Variants in MAML2 observed in about 807,000 individuals in gnomAD.
MAML2 encodes mastermind like transcriptional coactivator 2.
In MAML2, 22 loss-of-function variants were observed where a neutral mutation model predicts 96.1. The observed-to-expected ratio is 0.23, with a 90% CI of 0.16 to 0.33. The LOEUF is 0.33. Ranked by LOEUF, MAML2 falls within the 10% of genes least tolerant of loss-of-function variation. The pLI, the probability that MAML2 is intolerant of heterozygous loss-of-function variation, is 1.00. For missense variants in MAML2, 1,367 were observed against 1,392.4 expected, an observed-to-expected ratio of 0.98 and a Z score of 0.29; for synonymous variants, 561 against 521.3, an observed-to-expected ratio of 1.08 and a Z score of -1.04.
rs35327027 is a variant in MAML2 at position 96,184,591 on chromosome 11, C to CTTT, written c.514-91077_514-91075dup. 3.0e-4 allele frequency among the ~76,000 whole-genome samples: 39 copies of CTTT among 128,202 alleles called. 1 individual carries two copies. The highest frequency in any genetic ancestry group is 1.0e-3 in the African/African-American group (35 of 33,676). 84.1% of individuals were successfully genotyped at this position (128,202 alleles called of 152,430 possible). ...AGCAACTCTGAATATAGTCATTTTA[C>CTTT]TTTTTTTTTTTTTTTTTGAGATGAG... On this transcript the variant is annotated intron_variant, in intron 1 of 4. Transcript: ENST00000524717.
At chr11:96,066,877 G>A (rs1186297135) in intron 2 of MAML2, among the ~76,000 whole-genome samples, 1 of 152,192 alleles carries the variant, frequency 6.6e-6, no homozygotes, top group Non-Finnish European at 1.5e-5. Flanking sequence ...CAGGGGGAAA[G>A]GAAAGAGCAA....
At chr11:96,290,623 C>T in intron 1 of MAML2, among the ~76,000 whole-genome samples, 1 of 152,278 alleles carries the variant, frequency 6.6e-6, no homozygotes, top group East Asian at 1.9e-4. Flanking sequence ...TAATGAGATA[C>T]AGTTTCATGT....
At chr11:96,109,485 G>A (rs1860082901) in intron 1 of MAML2, among the ~76,000 whole-genome samples, 1 of 152,222 alleles carries the variant, frequency 6.6e-6, no homozygotes, top group Non-Finnish European at 1.5e-5. Flanking sequence ...AAGAGAGAGT[G>A]AAAGCTGGAC....
chr11:96,333,822 T>C (rs901783231), intron 1 of MAML2, among the ~76,000 whole-genome samples: 1 of 152,242 alleles, frequency 6.6e-6, no homozygotes, highest in Admixed American at 6.5e-5. Context: ...TATTCATTAA[T>C]TTCAATTAAT....
chr11:96,020,193 C>G (rs917695054), intron 2 of MAML2, among the ~76,000 whole-genome samples: 1 of 152,172 alleles, frequency 6.6e-6, no homozygotes, highest in Non-Finnish European at 1.5e-5. Context: ...TAAAGACCAT[C>G]AAATATTGCC....
intron 1 of MAML2, among the ~76,000 whole-genome samples, chr11:96,191,542 A>G (rs1861653798): frequency 2.0e-5 from 3 of 151,648 alleles, no homozygotes; most frequent in Admixed American, 2.0e-4. Context: ...TGGGAGGCTG[A>G]GGTGGCTGGA....
At chr11:96,235,671 C>A (rs1862357376) in intron 1 of MAML2, among the ~76,000 whole-genome samples, 1 of 152,124 alleles carries the variant, frequency 6.6e-6, no homozygotes, top group South Asian at 2.1e-4. Context: ...GGGATTGAGA[C>A]CTCTCAATTT....
intron 1 of MAML2, among the ~76,000 whole-genome samples, chr11:96,208,883 C>A (rs1044930166): frequency 1.3e-5 from 2 of 152,056 alleles, no homozygotes; most frequent in Non-Finnish European, 2.9e-5. Flanking sequence ...AAACCAATAA[C>A]AACTTCTGGA....
chr11:96,070,024 A>AAAAT (rs550416059), intron 2 of MAML2, among the ~76,000 whole-genome samples: 2,290 of 151,304 alleles, frequency 0.015, 54 homozygotes, highest in African/African-American at 0.051. Flanking sequence ...CTCTGTCTCA[A>AAAAT]AAATAAATAA....
intron 1 of MAML2, among the ~76,000 whole-genome samples, chr11:96,240,415 TGGCGGGCGCCTGTAGTCCCAGCTACTCGG>T: frequency 6.6e-6 from 1 of 150,942 alleles, no homozygotes; most frequent in African/African-American, 2.4e-5. Flanking sequence ...CCGGGCGCGG[TGGCGGGCGCCTGTAGTCCCAGCTACTCGG>T]GAGGCTGAGG....
intron 1 of MAML2, among the ~76,000 whole-genome samples, chr11:96,312,229 A>AAAAAAAAAAAAAAAC (rs1863552781): frequency 6.7e-6 from 1 of 149,948 alleles, no homozygotes; most frequent in East Asian, 1.9e-4. Flanking sequence ...CAAAAAAAAA[A>AAAAAAAAAAAAAAAC]AAAAAAAAAA....
chr11:96,338,351 C>T (rs1863945775), intron 1 of MAML2, among the ~76,000 whole-genome samples: 1 of 152,240 alleles, frequency 6.6e-6, no homozygotes, highest in African/African-American at 2.4e-5. Context: ...GCGGGGCTTC[C>T]CCTGAACTTG....
chr11:96,235,730 A>C (rs975954606), intron 1 of MAML2, among the ~76,000 whole-genome samples: 3 of 152,206 alleles, frequency 2.0e-5, no homozygotes, highest in Non-Finnish European at 2.9e-5. Context: ...TAAAAAAGGC[A>C]TCTTTCTTTT....
At chr11:96,095,736 T>C (rs1859814782) in intron 1 of MAML2, among the ~76,000 whole-genome samples, 2 of 152,346 alleles carry the variant, frequency 1.3e-5, no homozygotes, top group African/African-American at 2.4e-5. Context: ...AATTTCCCTA[T>C]TGCTTAAGCT....
At chr11:96,101,661 A>T (rs562969436) in intron 1 of MAML2, among the ~76,000 whole-genome samples, 3 of 152,358 alleles carry the variant, frequency 2.0e-5, no homozygotes, top group African/African-American at 7.2e-5. Flanking sequence ...AAGCACCAGC[A>T]TTATTCCAAG....
At chr11:96,013,721 G>A (rs935258886) in intron 2 of MAML2, among the ~76,000 whole-genome samples, 8 of 152,312 alleles carry the variant, frequency 5.3e-5, no homozygotes, top group East Asian at 3.9e-4. Flanking sequence ...CTGGCGGGAC[G>A]AGGTGGGGCT....
chr11:96,134,562 A>G (rs1591032236), intron 1 of MAML2, among the ~76,000 whole-genome samples: 1 of 152,250 alleles, frequency 6.6e-6, no homozygotes, highest in East Asian at 1.9e-4. Context: ...ACTGAAATAA[A>G]AAGAGTCAAA....
chr11:96,241,597 T>C (rs1334856107), intron 1 of MAML2, among the ~76,000 whole-genome samples: 1 of 152,188 alleles, frequency 6.6e-6, no homozygotes, highest in East Asian at 1.9e-4. Context: ...GTGCCACGGG[T>C]AAGAAACCTT....
In MAML2 at chr11:96,342,963, T is replaced by C. The variant is rs999787279; in HGVS notation, c.-1068A>G. 2 of 385,746 alleles carry C rather than the reference T, an allele frequency of 5.2e-6. No homozygotes were observed. The highest frequency in any genetic ancestry group is 9.2e-6 in the Non-Finnish European group (2 of 218,474). 23.9% of individuals were successfully genotyped at this position (385,746 alleles called of 1,614,324 possible). A position where few individuals can be genotyped will look rare whatever the true frequency, so the allele number is the denominator to read the frequency against. ...CCAGCCACTTTTCTGTCCACTTTTG[T>C]ACATTCCATCCCCGGCCAGTGGATC... is the stretch of plus-strand genomic sequence containing the variant. On this transcript the variant is annotated 5_prime_UTR_variant, in exon 1 of 5. Transcript: ENST00000524717.
Sources: gnomAD v4.1 joint callset for allele counts (sites outside exome capture counted in the v4.1 genomes callset) on GRCh38, gnomAD v4.1.1 for gene constraint, MANE v1.5 for transcripts, NCBI Gene and HGNC (gene_info 2026-07-23, HGNC 2026-07-21) for gene names.